Variants in RAD51 observed in about 807,000 individuals in gnomAD.
RAD51 encodes the protein RAD51 recombinase, also known as DNA repair protein RAD51 homolog 1.
A neutral mutation model predicts 41.5 loss-of-function variants in RAD51; 14 were observed. The observed-to-expected ratio is 0.34, with a 90% confidence interval of 0.22 to 0.53. RAD51 has a LOEUF of 0.53. RAD51 is among the 20% of genes least tolerant of loss of function. The pLI is 0.95. For missense variants in RAD51, 234 were observed against 422.0 expected, an observed-to-expected ratio of 0.55 and a Z score of 3.90; for synonymous variants, 136 against 148.6, an observed-to-expected ratio of 0.92 and a Z score of 0.62.
At chr15:40,724,670 A>ATTTGTTTTTTTTTTTTTTTTTTTTTTT (rs757564729) in intron 6 of RAD51, among the ~76,000 whole-genome samples, 1 of 72,028 alleles carries the variant, frequency 1.4e-5, no homozygotes. Flanking sequence ...TAATTTTTTT[A>ATTTGTTTTTTTTTTTTTTTTTTTTTTT]TTTCTTTTTT....
intron 3 of RAD51, 91 bp downstream of exon 3, chr15:40,701,292 C>A: frequency 7.2e-7 from 1 of 1,383,460 alleles, no homozygotes; most frequent in Non-Finnish European, 1.0e-6. Flanking sequence ...ATCTCTTATT[C>A]TTCGGTCATC....
chr15:40,703,499 T>C (rs1374085683), intron 3 of RAD51, among the ~76,000 whole-genome samples: 1 of 152,254 alleles, frequency 6.6e-6, no homozygotes, highest in African/African-American at 2.4e-5. Context: ...TATGAAAGTT[T>C]AATCTTTTTA....
chr15:40,719,562 G>C (rs1471782672), intron 6 of RAD51, among the ~76,000 whole-genome samples: 1 of 152,208 alleles, frequency 6.6e-6, no homozygotes, highest in African/African-American at 2.4e-5. Context: ...GCTGGGCGCT[G>C]TGGCTCACGC....
At chr15:40,726,335 T>G (rs991767178) in intron 6 of RAD51, among the ~76,000 whole-genome samples, 1 of 148,698 alleles carries the variant, frequency 6.7e-6, no homozygotes, top group African/African-American at 2.5e-5. Context: ...CACTGCAACC[T>G]CCGCCTCTCG....
chr15:40,730,827 T>C (rs1896844477), intron 9 of RAD51, among the ~76,000 whole-genome samples: 1 of 151,560 alleles, frequency 6.6e-6, no homozygotes, highest in South Asian at 2.1e-4. Flanking sequence ...CGGCCTAAAT[T>C]TTTCTTTTTT....
Position 40,732,097 on chromosome 15 carries a change from T to A in RAD51, c.*919T>A, listed in dbSNP as rs1387574097. On this transcript the variant is annotated 3_prime_UTR_variant, in exon 10 of 10. Coordinates refer to ENST00000267868, the MANE Select transcript of RAD51 (RefSeq NM_002875.5). ...GACCATGTTTCAAACAAGAAACATT[T>A]CAGAGGGTAAGTAAACAGATTTGAT... is the stretch of plus-strand genomic sequence containing the variant. 1 of 205,388 alleles carries A rather than the reference T, an allele frequency of 4.9e-6. No homozygotes were observed. The highest frequency in any genetic ancestry group is 9.9e-6 in the Non-Finnish European group (1 of 100,596). The allele number at this position is 205,388 out of a possible 1,614,324, so 12.7% of individuals were successfully genotyped here. A position where few individuals can be genotyped will look rare whatever the true frequency, so the allele number is the denominator to read the frequency against.
chr15:40,709,937 T>C (rs897348082), intron 5 of RAD51, among the ~76,000 whole-genome samples: 194 of 149,974 alleles, frequency 1.3e-3, no homozygotes, highest in African/African-American at 4.6e-3. Context: ...CCGAGGCGGG[T>C]GGATCACTTG....
At position 40,718,860 on chromosome 15, in the gene RAD51, G is replaced by T. The variant is rs1304358961; in HGVS notation, c.491G>T (p.Gly164Val). ...EGKAMYIDTE[G>V]TFRPERLLAV... ...AAGGCCATGTACATTGACACTGAGG[G>T]TACCTTTAGGCCAGAACGGCTGCTG... The change falls in exon 6 of 10, where the codon GGT becomes GTT. Residue 164 changes from glycine to valine, a missense_variant. This residue lies in a region of RAD51 where 134 missense variants were observed against 286.5 expected (regional missense o/e 0.47). Coordinates refer to ENST00000267868, the MANE Select transcript of RAD51 (RefSeq NM_002875.5). 1 of 1,613,542 alleles carries T rather than the reference G, an allele frequency of 6.2e-7. No homozygotes were observed. The highest frequency in any genetic ancestry group is 8.5e-7 in the Non-Finnish European group (1 of 1,179,692).
At chr15:40,701,377 T>C (rs1262027816) in intron 3 of RAD51, among the ~76,000 whole-genome samples, 176 bp downstream of exon 3, 2 of 21,442 alleles carry the variant, frequency 9.3e-5, no homozygotes, top group Admixed American at 6.3e-4. Flanking sequence ...TTTTTCTTTC[T>C]TTTTTTTTTT....
chr15:40,701,004 C>T (rs1338185698), intron 2 of RAD51, 60 bp from the exon 3 acceptor site: 1 of 1,437,416 alleles, frequency 7.0e-7, no homozygotes, highest in Admixed American at 1.8e-5. Context: ...GGACACATAA[C>T]ATCTGTGTTA....
chr15:40,701,473 C>T (rs1042428083), intron 3 of RAD51, among the ~76,000 whole-genome samples: 7 of 148,566 alleles, frequency 4.7e-5, no homozygotes, highest in Non-Finnish European at 1.0e-4. Flanking sequence ...CTCCCAAGCT[C>T]AAGCGATCCT....
intron 6 of RAD51, among the ~76,000 whole-genome samples, chr15:40,724,941 G>A (rs1202195958): frequency 1.0e-4 from 13 of 128,652 alleles, no homozygotes; most frequent in African/African-American, 3.4e-4. Context: ...CGCCCAGGCC[G>A]GACTGCGGAC....
chr15:40,706,456 G>A (rs915179466), intron 4 of RAD51, among the ~76,000 whole-genome samples, 162 bp downstream of exon 4: 5 of 152,238 alleles, frequency 3.3e-5, no homozygotes, highest in African/African-American at 7.2e-5. Flanking sequence ...CAGCACTTTG[G>A]GAGGCTGAGG....
rs757564729 is a variant in RAD51, at chr15:40,724,670, A to ATTTGTTTT, written c.531-4038_531-4037insGTTTTTTT. ...ACCACCAAGCCCAGCTAATTTTTTTATTTCTTTTTTTTTTTTTTTTTTTTT... is the reference window on the plus strand; with the variant it reads ...ACCACCAAGCCCAGCTAATTTTTTTATTTGTTTTTTTCTTTTTTTTTTTTTTTTTTTTT... On this transcript the variant is annotated intron_variant, in intron 6 of 9. Transcript: ENST00000267868. 2.1e-4 allele frequency among the ~76,000 whole-genome samples: 15 copies of ATTTGTTTT among 72,016 alleles called. 1 individual carries two copies. The highest frequency in any genetic ancestry group is 4.0e-4 in the Non-Finnish European group (14 of 34,918). 47.2% of individuals were successfully genotyped at this position (72,016 alleles called of 152,430 possible).
chr15:40,699,186 C>T (rs1894834157), intron 2 of RAD51, among the ~76,000 whole-genome samples: 2 of 152,160 alleles, frequency 1.3e-5, no homozygotes, highest in Non-Finnish European at 2.9e-5. Context: ...TCTTGTTGCC[C>T]AGGCTGGAGT....
At chr15:40,729,360 T>C (rs1036803176) in intron 7 of RAD51, 145 bp from the exon 8 acceptor site, 21 of 895,702 alleles carry the variant, frequency 2.3e-5, no homozygotes, top group Non-Finnish European at 3.1e-5. Context: ...GCGACAGAGC[T>C]AGACTCCATC....
At chr15:40,697,690 G>A (rs1894736661) in intron 1 of RAD51, among the ~76,000 whole-genome samples, 1 of 143,004 alleles carries the variant, frequency 7.0e-6, no homozygotes, top group Non-Finnish European at 1.5e-5. Context: ...CCATTCTCCT[G>A]TCTCAGCCTG....
chr15:40,718,801 A>C lies in RAD51; in HGVS notation c.436-4A>C, dbSNP rs56391422. 6.2e-7 allele frequency: 1 copy of C among 1,601,342 alleles called. No individual in the cohort carries two copies. Among genetic ancestry groups the C allele is most frequent in the Non-Finnish European group, 8.6e-7 (1 of 1,168,596 alleles). ...ATTTCTACTGTTGTTTTTGTTCTCT[A>C]TAGCTTCCCATTGACCGGGGTGGAG... On this transcript the variant is annotated splice_region_variant and splice_polypyrimidine_tract_variant and intron_variant, in intron 5 of 9. Coordinates refer to ENST00000267868, the MANE Select transcript of RAD51 (RefSeq NM_002875.5).
intron 6 of RAD51, among the ~76,000 whole-genome samples, chr15:40,727,723 T>TTA (rs1896657606): frequency 6.6e-6 from 1 of 152,104 alleles, no homozygotes; most frequent in African/African-American, 2.4e-5. Context: ...TAGAGAAAAC[T>TTA]TATATCTCTT....
Sources: gnomAD v4.1 joint callset for allele counts (sites outside exome capture counted in the v4.1 genomes callset) on GRCh38, gnomAD v4.1.1 for gene constraint, gnomAD v4.1.1 regional missense constraint, MANE v1.5 for transcripts, NCBI Gene and HGNC (gene_info 2026-07-23, HGNC 2026-07-21) for gene names.